The following ESPNL variants were observed in gnomAD, a reference collection of about 807,000 sequenced individuals.
The protein encoded by ESPNL is espin like.
In ESPNL, 49 loss-of-function variants were observed where a neutral mutation model predicts 46.8. The ratio of observed to expected loss-of-function variants is 1.05; its 90% confidence interval spans 0.83 to 1.33. The LOEUF (loss-of-function observed/expected upper bound fraction) is 1.33, where lower values mean the gene tolerates loss of function less well. Ranked by LOEUF, ESPNL falls within the 40% of genes most tolerant of loss-of-function variation. ESPNL has a pLI of 0.00. For missense variants in ESPNL, 1,540 were observed against 1,436.6 expected (o/e 1.07, Z -1.16); for synonymous variants, 664 against 662.1 (o/e 1.00, Z -0.04).
At position 238,102,042 on chromosome 2, in the gene ESPNL, A is replaced by G; in HGVS notation, c.396A>G (p.Leu132=). 1 of 1,603,598 alleles carries G rather than the reference A, an allele frequency of 6.2e-7. No individual in the cohort carries two copies. The highest frequency in any genetic ancestry group is 1.1e-5 in the South Asian group (1 of 90,126). Residue 132 remains leucine, a synonymous_variant, in exon 2 of 9, where the codon CTA becomes CTG. Coordinates refer to ENST00000343063, the MANE Select transcript of ESPNL (RefSeq NM_194312.4). ...WLLHEGHSAT[L]ETREGARPLH... ...TCCACGAGGGCCACTCGGCCACGCT[A>G]GAGACCCGGGAGGGAGCCCGGCCGC... is the stretch of plus-strand genomic sequence containing the variant.
chr2:238,128,895 A>G lies in ESPNL; in HGVS notation c.1404A>G (p.Ala468=). Residue 468 remains alanine (A), a synonymous_variant, in exon 8 of 9, where the codon GCA becomes GCG. Coordinates refer to ENST00000343063, the MANE Select transcript of ESPNL (RefSeq NM_194312.4). ...LQARLGAESS[A]EAQDNGGSSG... ...CGCGCCTGGGCGCAGAGAGCTCCGC[A>G]GAGGCCCAGGTAGGCCCCCGGCAGG... is the stretch of plus-strand genomic sequence containing the variant. 6.5e-7 allele frequency: 1 copy of G among 1,541,176 alleles called. No homozygotes were observed. Among genetic ancestry groups the G allele is most frequent in the South Asian group, 1.2e-5 (1 of 83,886 alleles).
intron 5 of ESPNL, 100 bp from the exon 6 acceptor site, chr2:238,125,170 G>T: frequency 1.8e-6 from 1 of 546,756 alleles, no homozygotes; most frequent in Non-Finnish European, 3.3e-6. Context: ...CAGATGCACA[G>T]GCTCCCCAAG....
chr2:238,109,329 G>A (rs1691667891), intron 4 of ESPNL, among the ~76,000 whole-genome samples: 1 of 152,170 alleles, frequency 6.6e-6, no homozygotes, highest in Admixed American at 6.5e-5. Context: ...GCTTCCCTCT[G>A]TAAAAAGAAA....
Position 238,130,741 on chromosome 2 carries a change from CG to C in ESPNL, c.2032del (p.Ala678ProfsTer7), listed in dbSNP as rs1553575162. 5.1e-6 allele frequency: 8 copies of C among 1,564,046 alleles called. No individual in the cohort carries two copies. Among genetic ancestry groups the C allele is most frequent in the South Asian group, 1.2e-5 (1 of 86,376 alleles). On this transcript the variant is annotated frameshift_variant, in exon 9 of 9. Coordinates refer to ENST00000343063, the MANE Select transcript of ESPNL (RefSeq NM_194312.4). LOFTEE classifies it low-confidence loss of function (END_TRUNC). ...LCGFNPGPCE[P>X]GAQHRQCLSG... ...GGCTTCAACCCTGGCCCCTGCGAGCCGGGGGCCCAGCACAGGCAGTGCCTGA... is the reference window on the plus strand; with the variant it reads ...GGCTTCAACCCTGGCCCCTGCGAGCCGGGGCCCAGCACAGGCAGTGCCTGA...
In ESPNL at chr2:238,131,494, TTG is replaced by T; in HGVS notation, c.2781_2782del (p.Phe927LeufsTer35). On this transcript the variant is annotated frameshift_variant, in exon 9 of 9. Transcript: ENST00000343063. LOFTEE classifies it low-confidence loss of function (END_TRUNC). ...TTCGAGGACATCAAAGCCCGCTTCT[TTG>T]GCTCCAGCCAGCGTCCCGCCTGGGA... is the stretch of plus-strand genomic sequence containing the variant. The T allele has an allele frequency of 6.2e-7, 1 of 1,611,798 alleles. No homozygotes were observed. The highest frequency in any genetic ancestry group is 1.3e-5 in the African/African-American group (1 of 75,040).
At chr2:238,110,949 CTTTT>C (rs5839686) in intron 4 of ESPNL, among the ~76,000 whole-genome samples, 47 of 110,996 alleles carry the variant, frequency 4.2e-4, no homozygotes, top group Admixed American at 1.1e-3. Context: ...ATTAGTTATT[CTTTT>C]TTTTTTTTTT....
rs10182906 is a variant in ESPNL at position 238,131,255 on chromosome 2, G to A, written c.2541G>A (p.Pro847=). The A allele has an allele frequency of 1.9e-6, 3 of 1,571,702 alleles. No homozygotes were observed. Among genetic ancestry groups the A allele is most frequent in the Non-Finnish European group, 1.7e-6 (2 of 1,161,234 alleles). The change falls in exon 9 of 9, where the codon CCG becomes CCA. Residue 847 remains proline, a synonymous_variant. Coordinates refer to ENST00000343063, the MANE Select transcript of ESPNL (RefSeq NM_194312.4). ...EQFLPHVDGA[P]VPYSSLSLDL... ...TCCTGCCCCACGTGGACGGGGCTCCGGTGCCCTACAGCAGCCTCTCACTGG... is the reference window on the plus strand; with the variant it reads ...TCCTGCCCCACGTGGACGGGGCTCCAGTGCCCTACAGCAGCCTCTCACTGG...
chr2:238,101,927 C>G lies in ESPNL; in HGVS notation c.295-14C>G. ...GCCTACCCCCCACTCACTGACCTACCCGGGGCTTGGTAGGACCAAGATGCC... is the reference window on the plus strand; with the variant it reads ...GCCTACCCCCCACTCACTGACCTACGCGGGGCTTGGTAGGACCAAGATGCC... On this transcript the variant is annotated splice_polypyrimidine_tract_variant and intron_variant, in intron 1 of 8. Coordinates refer to ENST00000343063, the MANE Select transcript of ESPNL (RefSeq NM_194312.4). 1 of 1,599,562 alleles carries G rather than the reference C, an allele frequency of 6.3e-7. No homozygotes were observed. The highest frequency in any genetic ancestry group is 1.1e-5 in the South Asian group (1 of 89,396).
chr2:238,102,417 G>T (rs1691505867), intron 2 of ESPNL, among the ~76,000 whole-genome samples: 2 of 152,198 alleles, frequency 1.3e-5, no homozygotes, highest in African/African-American at 4.8e-5. Context: ...CTGCTGTGAT[G>T]CCCAGGGCAG....
At chr2:238,118,797 A>T (rs868743592) in intron 5 of ESPNL, among the ~76,000 whole-genome samples, 23 of 55,700 alleles carry the variant, frequency 4.1e-4, no homozygotes, top group East Asian at 3.1e-3. Context: ...AGGAGGGTGG[A>T]TGGAGGAGGA....
chr2:238,127,748 C>G lies in ESPNL; in HGVS notation c.1215+14C>G. ...GCTGACCCCGAGGTTCGTCCTCCAC[C>G]CCTGCATTCCTGTCTCCCGGGGCCC... On this transcript the variant is annotated intron_variant, in intron 7 of 8. Coordinates refer to ENST00000343063, the MANE Select transcript of ESPNL (RefSeq NM_194312.4). The G allele has an allele frequency of 6.3e-7, 1 of 1,592,498 alleles. No homozygotes were observed. The highest frequency in any genetic ancestry group is 8.6e-7 in the Non-Finnish European group (1 of 1,168,306).
chr2:238,129,193 G>A (rs1692220076), intron 8 of ESPNL: 7 of 1,350,478 alleles, frequency 5.2e-6, no homozygotes, highest in South Asian at 1.9e-5. Context: ...GCCTTCCTGG[G>A]CGCAGCGTCT....
In ESPNL at chr2:238,130,612, C is replaced by G. The variant is rs769350614; in HGVS notation, c.1898C>G (p.Ser633Trp). Residue 633 changes from serine (S) to tryptophan (W), a missense_variant, in exon 9 of 9, where the codon TCG becomes TGG. Physicochemically the swap from Ser to Trp is radical, Grantham distance 177. Coordinates refer to ENST00000343063, the MANE Select transcript of ESPNL (RefSeq NM_194312.4). ...CTGCAGGACACCTGCAGGGAGGCCT[C>G]GGCCAGCCCCCCTCGGAGCGAGGCC... ...RPLQDTCREA[S>W]ASPPRSEAQR... is the part of the protein sequence containing the mutation. 6.4e-7 allele frequency: 1 copy of G among 1,564,500 alleles called. No individual in the cohort carries two copies. Among genetic ancestry groups the G allele is most frequent in the Admixed American group, 1.9e-5 (1 of 52,512 alleles).
At chr2:238,102,521 G>T (rs1361780401) in intron 2 of ESPNL, among the ~76,000 whole-genome samples, 2 of 152,202 alleles carry the variant, frequency 1.3e-5, no homozygotes, top group East Asian at 3.9e-4. Context: ...CACCTGACAG[G>T]AGTGGGGACT....
At chr2:238,126,728 ATGATTGTGTCTGTGTGTATCTG>A (rs1692130526) in intron 6 of ESPNL, among the ~76,000 whole-genome samples, 2 of 134,618 alleles carry the variant, frequency 1.5e-5, no homozygotes, top group African/African-American at 5.8e-5. Flanking sequence ...GTCTCTGCGT[ATGATTGTGTCTGTGTGTATCTG>A]TGATTGTGTC....
At chr2:238,119,408 GTGGATGGAGGAGGGT>G (rs1559263934) in intron 5 of ESPNL, among the ~76,000 whole-genome samples, 3 of 146,142 alleles carry the variant, frequency 2.1e-5, no homozygotes, top group Admixed American at 6.8e-5. Context: ...GATGGAGGAG[GTGGATGGAGGAGGGT>G]AGATGGAGGA....
At chr2:238,126,921 C>CTTTGTGTCTGTGATTGTCTG (rs1692141935) in intron 6 of ESPNL, among the ~76,000 whole-genome samples, 1 of 146,640 alleles carries the variant, frequency 6.8e-6, no homozygotes, top group Non-Finnish European at 1.5e-5. Flanking sequence ...ATGATCGTGT[C>CTTTGTGTCTGTGATTGTCTG]TGTGTGTCTG....
At position 238,102,075 on chromosome 2, in the gene ESPNL, C is replaced by T. The variant is rs369546649; in HGVS notation, c.429C>T (p.His143=). 4.4e-5 allele frequency: 69 copies of T among 1,584,770 alleles called. No homozygotes were observed. The highest frequency in any genetic ancestry group is 3.2e-4 in the South Asian group (28 of 87,776). The change falls in exon 2 of 9, where the codon CAC becomes CAT. Residue 143 remains histidine (H), a synonymous_variant. Coordinates refer to ENST00000343063, the MANE Select transcript of ESPNL (RefSeq NM_194312.4). The part of the protein sequence containing the change: ...ETREGARPLH[H]AAVSGDLTCL... Reference sequence around the variant, plus strand: ...GGGAGGGAGCCCGGCCGCTGCACCACGCTGCCGTCAGTGGGGACCTGACCT... The same window carrying T: ...GGGAGGGAGCCCGGCCGCTGCACCATGCTGCCGTCAGTGGGGACCTGACCT...
At chr2:238,107,472 T>A (rs1441647971) in intron 3 of ESPNL, among the ~76,000 whole-genome samples, 1 of 147,242 alleles carries the variant, frequency 6.8e-6, no homozygotes, top group East Asian at 2.2e-4. Flanking sequence ...CTCCTCTCCT[T>A]CCTTCATAGC....
Sources: allele counts gnomAD v4.1 joint callset (sites outside exome capture counted in the v4.1 genomes callset), GRCh38; gene constraint gnomAD v4.1.1; transcripts MANE v1.5; gene names NCBI Gene and HGNC (gene_info 2026-07-23, HGNC 2026-07-21).